The following ZSCAN18 variants were observed in gnomAD, a reference collection of about 807,000 sequenced individuals.
The protein encoded by ZSCAN18 is zinc finger and SCAN domain-containing protein 18.
Under a neutral mutation model 31.1 loss-of-function variants are expected in ZSCAN18, and 16 were observed. The ratio of observed to expected loss-of-function variants is 0.51; its 90% CI spans 0.35 to 0.78. The LOEUF is 0.78. Ranked by LOEUF, ZSCAN18 falls within the 30% of genes least tolerant of loss-of-function variation. ZSCAN18 has a pLI of 0.01. For synonymous variants in ZSCAN18, 375 were observed against 320.7 expected, an observed-to-expected ratio of 1.17 and a Z score of -1.81; for missense variants, 731 against 697.4, an observed-to-expected ratio of 1.05 and a Z score of -0.54.
rs149078851 is a variant in ZSCAN18, at chr19:58,109,180, A to G, written c.130+9087T>C. 8.0e-4 allele frequency: 985 copies of G among 1,231,308 alleles called. 9 individuals are homozygous for G. In the African/African-American group the frequency reaches 0.012, roughly 16 times the overall value. 76.3% of individuals were successfully genotyped at this position (1,231,308 alleles called of 1,614,324 possible). On this transcript the variant is annotated intron_variant, in intron 1 of 1. Coordinates refer to the ZSCAN18 transcript ENST00000595721. ...TTCTACCTGGTCCTCACATTCCCAG[A>G]CCTCTCCTAATGCAGATAAAACAGG... is the stretch of plus-strand genomic sequence containing the variant.
chr19:58,107,843 C>T lies in ZSCAN18; in HGVS notation c.130+10424G>A, dbSNP rs1012379528. The T allele has an allele frequency of 2.9e-6, 3 of 1,023,366 alleles. No homozygotes were observed. In the Admixed American group the frequency reaches 1.6e-4, roughly 53 times the overall value. 63.4% of individuals were successfully genotyped at this position (1,023,366 alleles called of 1,614,324 possible). A position where few individuals can be genotyped will look rare whatever the true frequency, so the allele number is the denominator to read the frequency against. Reference sequence around the variant, plus strand: ...CTTTCCCACACTAGACACACTGGCACAAGGTCGCCTGAGCATGTACCTTCT... The same window carrying T: ...CTTTCCCACACTAGACACACTGGCATAAGGTCGCCTGAGCATGTACCTTCT... On this transcript the variant is annotated intron_variant, in intron 1 of 1. Transcript: ENST00000595721.
chr19:58,118,072 G>A (rs2074747037), intron 1 of ZSCAN18, among the ~76,000 whole-genome samples: 1 of 151,924 alleles, frequency 6.6e-6, no homozygotes, highest in Admixed American at 6.5e-5. Context: ...AGCCCCGCAC[G>A]CCAAGGGGAG....
At chr19:58,117,579 T>G in intron 1 of ZSCAN18, among the ~76,000 whole-genome samples, 1 of 150,758 alleles carries the variant, frequency 6.6e-6, no homozygotes, top group East Asian at 1.9e-4. Context: ...TCCTTGGGAG[T>G]AAGACACGGG....
intron 1 of ZSCAN18, among the ~76,000 whole-genome samples, chr19:58,104,386 AC>A (rs59101462): frequency 0.029 from 4,081 of 142,722 alleles, 190 homozygotes; most frequent in African/African-American, 0.11. Flanking sequence ...CAAAAACAAA[AC>A]AAAACAAAAC....
chr19:58,085,460 G>C (rs2074258736), intron 6 of ZSCAN18, 81 bp from the exon 7 acceptor site: 3 of 1,289,818 alleles, frequency 2.3e-6, no homozygotes, highest in Non-Finnish European at 3.1e-6. Context: ...TCAGCTGCCG[G>C]AACAGCGCAC....
chr19:58,087,281 C>T (rs1442612956), intron 4 of ZSCAN18, 35 bp downstream of exon 4: 1 of 1,568,910 alleles, frequency 6.4e-7, no homozygotes, highest in Non-Finnish European at 8.7e-7. Context: ...AAGCTGAGGC[C>T]AAGGCCCCTC....
intron 4 of ZSCAN18, 143 bp downstream of exon 4, chr19:58,087,170 CCCT>C (rs1317522409): frequency 2.0e-5 from 21 of 1,025,230 alleles, no homozygotes; most frequent in Non-Finnish European, 2.3e-5. Context: ...AAAGATTCCG[CCCT>C]CACGCTCCCA....
upstream of ZSCAN18, among the ~76,000 whole-genome samples, chr19:58,100,691 A>ACGTCAGGAGTTCAAGACCAGCCT (rs1599999472): frequency 2.0e-5 from 1 of 50,454 alleles, no homozygotes; most frequent in East Asian, 5.0e-4. Flanking sequence ...GCGGATCACG[A>ACGTCAGGAGTTCAAGACCAGCCT]GGTCAACATG....
At chr19:58,109,356 G>C (rs1673337816) in intron 1 of ZSCAN18, 1 of 1,230,894 alleles carries the variant, frequency 8.1e-7, no homozygotes, top group African/African-American at 1.6e-5. Flanking sequence ...AATTGCTAGA[G>C]TTAGAATGGT....
upstream of ZSCAN18, chr19:58,098,437 A>G (rs1011215875): frequency 1.1e-6 from 1 of 949,600 alleles, no homozygotes; most frequent in Non-Finnish European, 1.3e-6. Context: ...GAAGTAAACA[A>G]GCGGGTAAAT....
rs552868191 is a variant in ZSCAN18 at position 58,103,508 on chromosome 19, G to GT, written c.131-13123dup. Among the ~76,000 whole-genome samples, 9 of 152,234 alleles carry GT rather than the reference G, an allele frequency of 5.9e-5. No individual in the cohort carries two copies. The South Asian group carries it at 1.9e-3, about 32-fold the overall frequency. ...TGATCTGTGATCAGTAATTTTTGTT[G>GT]TAACTATTGTAATTGTTCTGGAGTG... is the stretch of plus-strand genomic sequence containing the variant. On this transcript the variant is annotated intron_variant, in intron 1 of 1. Transcript: ENST00000595721.
Position 58,084,441 on chromosome 19 carries a change from T to C in ZSCAN18, c.*244A>G. ...ATGGCTGCAGGAAAGCCGAGTCTTCTTCCACATCCGGCGGCTCCCCTCGGA... is the reference window on the plus strand; with the variant it reads ...ATGGCTGCAGGAAAGCCGAGTCTTCCTCCACATCCGGCGGCTCCCCTCGGA... On this transcript the variant is annotated 3_prime_UTR_variant, in exon 7 of 7. Transcript: ENST00000601144. The surrounding 1 kb of genome is among the most constrained non-coding windows in gnomAD (Gnocchi z 4.5). 1 of 440,036 alleles carries C rather than the reference T, an allele frequency of 2.3e-6. No individual in the cohort carries two copies. The allele number at this position is 440,036 out of a possible 1,614,324, so 27.3% of individuals were successfully genotyped here.
intron 1 of ZSCAN18, 137 bp downstream of exon 1, chr19:58,098,037 G>A: frequency 1.0e-5 from 10 of 985,622 alleles, no homozygotes; most frequent in Non-Finnish European, 1.1e-5. Flanking sequence ...CCTCCTGGAC[G>A]CACAGCGGGG....
At chr19:58,107,562 A>G (rs1362814737) in intron 1 of ZSCAN18, 1 of 768,432 alleles carries the variant, frequency 1.3e-6, no homozygotes, top group Non-Finnish European at 1.6e-6. Context: ...ACTCTGTCTC[A>G]AAAATAAAAT....
upstream of ZSCAN18, among the ~76,000 whole-genome samples, chr19:58,101,516 CTTCTTT>C (rs372666722): frequency 5.1e-3 from 666 of 129,876 alleles, 10 homozygotes; most frequent in African/African-American, 0.015. Context: ...ACTTTATCTT[CTTCTTT>C]TTTTTTTTTT....
chr19:58,096,795 G>A (rs996548463), intron 1 of ZSCAN18, among the ~76,000 whole-genome samples: 2 of 152,170 alleles, frequency 1.3e-5, no homozygotes, highest in African/African-American at 4.8e-5. Flanking sequence ...TTCATCCACA[G>A]ATCACTTACT....
rs531515948 is a variant in ZSCAN18, at chr19:58,104,589, C to T, written c.130+13678G>A. Among the ~76,000 whole-genome samples, 54 of 152,070 alleles carry T rather than the reference C, an allele frequency of 3.6e-4. No individual in the cohort carries two copies. In the East Asian group the frequency reaches 0.01, roughly 28 times the overall value. ...TGGTGGCAAGTGCCTGTAATCCCTG[C>T]TACTCAAGAGGCTGAGGCATGAGAA... On this transcript the variant is annotated intron_variant, in intron 1 of 1. Transcript: ENST00000595721.
chr19:58,085,353 C>A lies in ZSCAN18; in HGVS notation c.865G>T (p.Gly289Trp). ...GGGGCGGCCTCCTCGCAGGCGCACC[C>A]AGCGCTCTCCTGCCGCCTCCCGCCT... is the stretch of plus-strand genomic sequence containing the variant. ...PEGGRRQESA[G>W]CACEEAAPAG... The change falls in exon 7 of 7, where the codon GGG becomes TGG. Residue 289 changes from glycine (G) to tryptophan (W), a missense_variant. Transcript: ENST00000601144. 6.3e-7 allele frequency: 1 copy of A among 1,591,908 alleles called. No homozygotes were observed. Among genetic ancestry groups the A allele is most frequent in the East Asian group, 2.2e-5 (1 of 44,640 alleles).
At chr19:58,101,299 ATTTTTTT>A (rs71188078), upstream of ZSCAN18, among the ~76,000 whole-genome samples, 715 of 108,400 alleles carry the variant, frequency 6.6e-3, 8 homozygotes, top group African/African-American at 0.022. Context: ...TGCCCAGCTA[ATTTTTTT>A]TTTTTTTTTT....
Sources: allele counts gnomAD v4.1 joint callset (sites outside exome capture counted in the v4.1 genomes callset), GRCh38; gene constraint gnomAD v4.1.1; non-coding constraint Gnocchi (gnomAD v3.1); transcripts MANE v1.5; gene names NCBI Gene and HGNC (gene_info 2026-07-23, HGNC 2026-07-21).